CTNNA2: variants seen among roughly 807,000 people sequenced by gnomAD.
CTNNA2 encodes the protein catenin alpha 2.
CTNNA2 carries 42 observed loss-of-function variants against 101.0 expected under a neutral mutation model. The observed-to-expected ratio is 0.42, with a 90% CI of 0.32 to 0.54. The LOEUF (loss-of-function observed/expected upper bound fraction) is 0.54. Among genes scored for constraint, CTNNA2 ranks in the 20% least tolerant of loss-of-function variants. The probability of loss-of-function intolerance (pLI) is 0.14; values close to 1 mark genes in which losing one functional copy is unlikely to be tolerated. For missense variants in CTNNA2, 871 were observed against 1,223.1 expected (o/e 0.71, Z 4.29); for synonymous variants, 450 against 456.4 (o/e 0.99, Z 0.18).
chr2:79,276,773 A>C (rs1411220630), intron 2 of CTNNA2, among the ~76,000 whole-genome samples: 1 of 152,106 alleles, frequency 6.6e-6, no homozygotes, highest in African/African-American at 2.4e-5. Context: ...TATTTTAAAA[A>C]AAATTGTCCC....
chr2:79,354,871 T>C (rs76845447), intron 3 of CTNNA2, among the ~76,000 whole-genome samples: 3,520 of 152,294 alleles, frequency 0.023, 110 homozygotes, highest in African/African-American at 0.081. Flanking sequence ...TGCCTCTCTC[T>C]TGATTTAGAG....
chr2:80,385,134 T>C (rs1676880500), intron 7 of CTNNA2, among the ~76,000 whole-genome samples: 1 of 152,206 alleles, frequency 6.6e-6, no homozygotes, highest in Non-Finnish European at 1.5e-5. Flanking sequence ...TAGGTTAATG[T>C]GTTTTATATA....
intron 1 of CTNNA2, among the ~76,000 whole-genome samples, chr2:79,589,718 C>CT (rs1676722553): frequency 3.5e-5 from 2 of 57,256 alleles, no homozygotes; most frequent in Middle Eastern, 0.012. Context: ...CTTTTTTTTT[C>CT]CCCCCCCCGA....
intron 11 of CTNNA2, among the ~76,000 whole-genome samples, chr2:80,554,038 G>A (rs1692810145): frequency 6.6e-6 from 1 of 152,142 alleles, no homozygotes; most frequent in Non-Finnish European, 1.5e-5. Flanking sequence ...AATGGAGAAT[G>A]TAGAAATCAG....
intron 2 of CTNNA2, among the ~76,000 whole-genome samples, chr2:79,234,466 A>G (rs1445612662): frequency 1.3e-5 from 2 of 151,648 alleles, no homozygotes; most frequent in South Asian, 4.2e-4. Context: ...TGCCTTGAAG[A>G]TTTTTTCTTT....
At chr2:80,025,539 G>A (rs13402286) in intron 7 of CTNNA2, among the ~76,000 whole-genome samples, 8,266 of 152,258 alleles carry the variant, frequency 0.054, 645 homozygotes, top group African/African-American at 0.17. Flanking sequence ...GGAAAACAAG[G>A]TGTATTTAGG....
intron 7 of CTNNA2, among the ~76,000 whole-genome samples, chr2:80,139,210 A>G (rs1037973510): frequency 6.6e-6 from 1 of 152,086 alleles, no homozygotes; most frequent in Non-Finnish European, 1.5e-5. Context: ...ATTAAATGCA[A>G]TTATCTCCCA....
intron 9 of CTNNA2, among the ~76,000 whole-genome samples, chr2:80,476,535 A>C (rs1413425810): frequency 1.3e-5 from 2 of 152,232 alleles, no homozygotes; most frequent in Non-Finnish European, 2.9e-5. Context: ...CAATTGTTTT[A>C]CAACTAAATT....
intron 12 of CTNNA2, among the ~76,000 whole-genome samples, chr2:80,572,476 A>T (rs931937315): frequency 6.6e-6 from 1 of 152,160 alleles, no homozygotes; most frequent in African/African-American, 2.4e-5. Context: ...CTATAACATC[A>T]CTGATGGTCA....
chr2:79,477,317 C>T (rs1671061015), intron 4 of CTNNA2, among the ~76,000 whole-genome samples: 1 of 151,798 alleles, frequency 6.6e-6, no homozygotes, highest in Admixed American at 6.6e-5. Flanking sequence ...TTTACAGGCA[C>T]CCGCCACCAC....
intron 3 of CTNNA2, among the ~76,000 whole-genome samples, chr2:79,361,401 A>T (rs1258251855): frequency 6.6e-6 from 1 of 152,220 alleles, no homozygotes; most frequent in East Asian, 1.9e-4. Flanking sequence ...TATCAGAGAG[A>T]TGAATGGGAA....
At chr2:79,450,781 C>A (rs528023663) in intron 4 of CTNNA2, among the ~76,000 whole-genome samples, 3 of 152,154 alleles carry the variant, frequency 2.0e-5, no homozygotes, top group Admixed American at 1.3e-4. Flanking sequence ...AAGACCAAAA[C>A]ACTTCTACAT....
At chr2:80,601,798 T>C (rs1697565598) in intron 15 of CTNNA2, 1 of 152,112 alleles carries the variant, frequency 6.6e-6, no homozygotes, top group South Asian at 2.1e-4. Context: ...TTAGTTTTTT[T>C]CCAACCTCTT....
At chr2:79,661,624 T>G (rs1057443529) in intron 2 of CTNNA2, among the ~76,000 whole-genome samples, 1 of 152,198 alleles carries the variant, frequency 6.6e-6, no homozygotes, top group Non-Finnish European at 1.5e-5. Context: ...GGACTAGATT[T>G]TCAAAACTAC....
At chr2:79,767,826 C>T (rs1009070961) in intron 3 of CTNNA2, among the ~76,000 whole-genome samples, 42 of 151,170 alleles carry the variant, frequency 2.8e-4, no homozygotes, top group African/African-American at 1.0e-3. Flanking sequence ...CAAAGTCTTC[C>T]CCACTCTTTC....
At chr2:79,741,114 G>A (rs1027314837) in intron 2 of CTNNA2, among the ~76,000 whole-genome samples, 1 of 152,114 alleles carries the variant, frequency 6.6e-6, no homozygotes, top group African/African-American at 2.4e-5. Context: ...CAGTGAATTT[G>A]CATAGCAAGG....
At chr2:80,353,583 A>T (rs962905711) in intron 7 of CTNNA2, among the ~76,000 whole-genome samples, 1 of 152,178 alleles carries the variant, frequency 6.6e-6, no homozygotes, top group Non-Finnish European at 1.5e-5. Context: ...CACTGTGAGA[A>T]CAATTCTGAA....
In CTNNA2 at chr2:79,835,666, GTTTTTTTTTTTTTTTTTTTT is replaced by G. The variant is rs70940048; in HGVS notation, c.299-22329_299-22310del. 8.7e-3 allele frequency among the ~76,000 whole-genome samples: 508 copies of G among 58,638 alleles called. 14 individuals carry two copies. In the East Asian group the frequency reaches 0.099, roughly 11 times the overall value. The allele number at this position is 58,638 out of a possible 152,430, so 38.5% of individuals were successfully genotyped here. A position where few individuals can be genotyped will look rare whatever the true frequency, so the allele number is the denominator to read the frequency against. On this transcript the variant is annotated intron_variant, in intron 3 of 18. Coordinates refer to ENST00000402739, the MANE Select transcript of CTNNA2 (RefSeq NM_001282597.3). Reference sequence around the variant, plus strand: ...CTGTGCTGCAGAATGGCCTCTCTTTGTTTTTTTTTTTTTTTTTTTTTTTTTTTTTTTTTTTTTGAGACAGA... The same window carrying G: ...CTGTGCTGCAGAATGGCCTCTCTTTGTTTTTTTTTTTTTTTTTGAGACAGA...
chr2:80,353,638 ACATAT>A (rs1673518073), intron 7 of CTNNA2, among the ~76,000 whole-genome samples: 1 of 152,178 alleles, frequency 6.6e-6, no homozygotes, highest in East Asian at 1.9e-4. Flanking sequence ...TCTGCCTCTC[ACATAT>A]TTACCGCATG....
Sources: gnomAD v4.1 joint callset for allele counts (sites outside exome capture counted in the v4.1 genomes callset) on GRCh38, gnomAD v4.1.1 for gene constraint, MANE v1.5 for transcripts, NCBI Gene and HGNC (gene_info 2026-07-23, HGNC 2026-07-21) for gene names.